The following DENND5A variants were observed in gnomAD, a reference collection of about 807,000 sequenced individuals.
DENND5A encodes the protein DENN domain containing 5A, also known as DENN domain-containing protein 5A.
In DENND5A, 64 loss-of-function variants were observed where a neutral mutation model predicts 140.3. The ratio of observed to expected loss-of-function variants is 0.46; its 90% CI spans 0.37 to 0.56. DENND5A has a LOEUF of 0.56. DENND5A is among the 20% of genes least tolerant of loss of function. DENND5A has a pLI of 0.00. For missense variants in DENND5A, 1,292 were observed against 1,593.8 expected (o/e 0.81, Z 3.22); for synonymous variants, 605 against 607.7 (o/e 1.00, Z 0.07).
At chr11:9,250,678 T>C (rs1851679966) in intron 1 of DENND5A, among the ~76,000 whole-genome samples, 1 of 152,198 alleles carries the variant, frequency 6.6e-6, no homozygotes, top group Admixed American at 6.6e-5. Flanking sequence ...CATTTAAAAG[T>C]ACAGTGTAAA....
At chr11:9,230,861 C>T (rs1171061762) in intron 1 of DENND5A, among the ~76,000 whole-genome samples, 2 of 152,038 alleles carry the variant, frequency 1.3e-5, no homozygotes, top group Non-Finnish European at 2.9e-5. Context: ...TGGTGGCACA[C>T]ATTTGTAGTC....
intron 1 of DENND5A, among the ~76,000 whole-genome samples, chr11:9,233,367 C>G (rs1200863803): frequency 6.9e-6 from 1 of 145,796 alleles, no homozygotes; most frequent in South Asian, 2.1e-4. Flanking sequence ...CCATTGCACT[C>G]TAGCCTGGGC....
chr11:9,207,174 T>G, intron 2 of DENND5A: 1 of 458,990 alleles, frequency 2.2e-6, no homozygotes, highest in Non-Finnish European at 4.0e-6. Flanking sequence ...ATATTTTACC[T>G]AAAATTCAGA....
At chr11:9,199,738 G>A (rs1243607679) in intron 4 of DENND5A, among the ~76,000 whole-genome samples, 1 of 152,148 alleles carries the variant, frequency 6.6e-6, no homozygotes, top group Non-Finnish European at 1.5e-5. Context: ...CAGAGGGCAG[G>A]ACATGCAGCA....
intron 13 of DENND5A, among the ~76,000 whole-genome samples, 184 bp downstream of exon 13, chr11:9,152,174 A>G (rs1254413390): frequency 2.0e-5 from 3 of 152,240 alleles, no homozygotes; most frequent in Admixed American, 2.0e-4. Context: ...ACATAATGAA[A>G]GCAAATGCCA....
At chr11:9,165,325 A>G (rs1848151876) in intron 11 of DENND5A, among the ~76,000 whole-genome samples, 1 of 152,152 alleles carries the variant, frequency 6.6e-6, no homozygotes, top group Non-Finnish European at 1.5e-5. Context: ...TAGAGTATAC[A>G]TTAAGTTTTT....
Position 9,143,332 on chromosome 11 carries a change from A to C in DENND5A, c.3387+71T>G, listed in dbSNP as rs993123589. The C allele has an allele frequency of 3.0e-6, 4 of 1,341,658 alleles. No individual in the cohort carries two copies. The African/African-American group carries it at 5.8e-5, about 19-fold the overall frequency. 83.1% of individuals were successfully genotyped at this position (1,341,658 alleles called of 1,614,324 possible). ...CATGGGCCTGGAAGAGCATAACAAG[A>C]TAATCGGAAAAACAAAATTATTCTC... On this transcript the variant is annotated intron_variant, in intron 20 of 22. Transcript: ENST00000328194.
chr11:9,200,725 T>C (rs1199895499), intron 4 of DENND5A, among the ~76,000 whole-genome samples: 2 of 152,226 alleles, frequency 1.3e-5, no homozygotes, highest in Admixed American at 1.3e-4. Context: ...ACTTCACTGT[T>C]ATCTCCTTAG....
chr11:9,205,606 T>C (rs1177002188), intron 3 of DENND5A, among the ~76,000 whole-genome samples: 1 of 152,066 alleles, frequency 6.6e-6, no homozygotes, highest in African/African-American at 2.4e-5. Flanking sequence ...AAAAATGTAA[T>C]AGAAGGCCAG....
At chr11:9,241,175 C>T (rs776723471) in intron 1 of DENND5A, among the ~76,000 whole-genome samples, 4 of 152,138 alleles carry the variant, frequency 2.6e-5, no homozygotes, top group East Asian at 3.9e-4. Context: ...TACAGTTATT[C>T]GGGTACTGAA....
At chr11:9,177,685 A>G (rs575004698) in intron 8 of DENND5A, among the ~76,000 whole-genome samples, 8 of 150,142 alleles carry the variant, frequency 5.3e-5, no homozygotes, top group African/African-American at 2.0e-4. Context: ...GAAAAGAAAG[A>G]GCTTCTGTAA....
chr11:9,178,274 T>G lies in DENND5A; in HGVS notation c.1764A>C (p.Lys588Asn). Residue 588 changes from lysine (K) to asparagine (N), a missense_variant, in exon 8 of 23, where the codon AAA becomes AAC. This residue lies in a region of DENND5A where 199 missense variants were observed against 189.1 expected (regional missense o/e 1.05). Coordinates refer to ENST00000328194, the MANE Select transcript of DENND5A (RefSeq NM_015213.4). ...TQMFASFIDNKIMCHDDDDKD... is the reference protein window; with the variant it reads ...TQMFASFIDNNIMCHDDDDKD... ...TATCATCATCATCATGACACATTAT[T>G]TTGTTGTCAATGAAAGATGCAAACA... The G allele has an allele frequency of 6.2e-7, 1 of 1,613,940 alleles. No individual in the cohort carries two copies. Among genetic ancestry groups the G allele is most frequent in the Non-Finnish European group, 8.5e-7 (1 of 1,179,874 alleles).
At chr11:9,184,169 G>A (rs1848826581) in intron 5 of DENND5A, among the ~76,000 whole-genome samples, 2 of 151,964 alleles carry the variant, frequency 1.3e-5, no homozygotes, top group South Asian at 4.1e-4. Flanking sequence ...TAGCCAACAT[G>A]GTGAAACCCT....
intron 1 of DENND5A, among the ~76,000 whole-genome samples, chr11:9,233,167 G>A (rs1327113302): frequency 6.6e-6 from 1 of 152,134 alleles, no homozygotes; most frequent in African/African-American, 2.4e-5. Flanking sequence ...TTGGGAAGCC[G>A]AGGCAGGCGG....
Position 9,184,877 on chromosome 11 carries a change from T to C in DENND5A, c.1138-3793A>G, listed in dbSNP as rs568931966. ...TTCTTCAGTTTTTATCTTTAAGGTG[T>C]CTTTTTCTTCATTTAGAAAATCCAA... On this transcript the variant is annotated intron_variant, in intron 5 of 22. Coordinates refer to ENST00000328194, the MANE Select transcript of DENND5A (RefSeq NM_015213.4). Among the ~76,000 whole-genome samples, 21 of 152,318 alleles carry C rather than the reference T, an allele frequency of 1.4e-4. No individual in the cohort carries two copies. The South Asian group carries it at 3.9e-3, about 29-fold the overall frequency.
intron 8 of DENND5A, among the ~76,000 whole-genome samples, chr11:9,174,560 C>T (rs1378078438): frequency 6.8e-6 from 1 of 147,712 alleles, no homozygotes; most frequent in Non-Finnish European, 1.5e-5. Context: ...ATTAGCCAGG[C>T]ATGGCGGCAC....
chr11:9,254,776 T>A (rs1851874730), intron 1 of DENND5A, among the ~76,000 whole-genome samples: 1 of 152,076 alleles, frequency 6.6e-6, no homozygotes, highest in Admixed American at 6.6e-5. Flanking sequence ...GAAGTCTTAT[T>A]TAAAAGTCTC....
intron 4 of DENND5A, among the ~76,000 whole-genome samples, chr11:9,202,209 T>C (rs1318440151): frequency 3.3e-5 from 5 of 152,210 alleles, no homozygotes; most frequent in African/African-American, 1.2e-4. Context: ...GCTGAGAAAC[T>C]CACAACTAAA....
chr11:9,245,842 C>T (rs985411223), intron 1 of DENND5A, among the ~76,000 whole-genome samples: 2 of 152,056 alleles, frequency 1.3e-5, no homozygotes, highest in Non-Finnish European at 2.9e-5. Context: ...CCATGTTGGC[C>T]AGGCAGGTCT....
Sources: gnomAD v4.1 joint callset for allele counts (sites outside exome capture counted in the v4.1 genomes callset) on GRCh38, gnomAD v4.1.1 for gene constraint, gnomAD v4.1.1 regional missense constraint, MANE v1.5 for transcripts, NCBI Gene and HGNC (gene_info 2026-07-23, HGNC 2026-07-21) for gene names.